Variants in CUL2 observed in about 807,000 individuals in gnomAD.
CUL2 encodes cullin-2.
CUL2 carries 22 observed loss-of-function variants against 110.2 expected under a neutral mutation model. The ratio of observed to expected loss-of-function variants is 0.20; its 90% CI spans 0.14 to 0.28. CUL2 has a LOEUF of 0.28. CUL2 is among the 10% of genes least tolerant of loss of function. CUL2 has a pLI of 1.00. For missense variants in CUL2, 631 were observed against 905.5 expected (o/e 0.70, Z 3.89); for synonymous variants, 279 against 293.2 (o/e 0.95, Z 0.49).
Position 35,071,198 on chromosome 10 carries a change from C to A in CUL2, c.119+1G>T, listed in dbSNP as rs2086668996. 3 of 1,612,356 alleles carry A rather than the reference C, an allele frequency of 1.9e-6. No homozygotes were observed. Among genetic ancestry groups the A allele is most frequent in the Admixed American group, 1.7e-5 (1 of 59,740 alleles). ...TGATCAAGCTGCCATTAAAAGGATA[C>A]GAGAAACGGTCATTCCATGTTGCTC... On this transcript the variant is annotated splice_donor_variant, in intron 2 of 20. Transcript: ENST00000374749. LOFTEE classifies it high-confidence loss of function.
chr10:35,025,443 G>A (rs979180207), intron 16 of CUL2, among the ~76,000 whole-genome samples: 3 of 152,086 alleles, frequency 2.0e-5, no homozygotes, highest in African/African-American at 7.2e-5. Flanking sequence ...CTAAACCACA[G>A]CACTGCAAAT....
At chr10:35,016,033 C>CT (rs2085022539) in intron 18 of CUL2, among the ~76,000 whole-genome samples, 159 bp downstream of exon 18, 1 of 152,188 alleles carries the variant, frequency 6.6e-6, no homozygotes, top group Non-Finnish European at 1.5e-5. Flanking sequence ...TCTGTGATGC[C>CT]TTAACGCTCG....
At chr10:35,045,689 C>T (rs1426736962) in intron 6 of CUL2, among the ~76,000 whole-genome samples, 1 of 151,914 alleles carries the variant, frequency 6.6e-6, no homozygotes, top group Non-Finnish European at 1.5e-5. Context: ...TGCACTCCAG[C>T]CTGGGTGACA....
chr10:35,091,024 T>TA (rs2087196136), upstream of CUL2, among the ~76,000 whole-genome samples: 2 of 152,236 alleles, frequency 1.3e-5, no homozygotes, highest in African/African-American at 2.4e-5. Context: ...TTCTTGGACA[T>TA]ACATGTATTT....
intron 2 of CUL2, among the ~76,000 whole-genome samples, chr10:35,066,345 C>T (rs943936935): frequency 6.6e-6 from 1 of 151,892 alleles, no homozygotes; most frequent in African/African-American, 2.4e-5. Flanking sequence ...CTCTTTTGCC[C>T]AGGCAGTGCG....
At chr10:35,088,747 A>G (rs2087125950) in intron 1 of CUL2, among the ~76,000 whole-genome samples, 1 of 152,200 alleles carries the variant, frequency 6.6e-6, no homozygotes, top group Admixed American at 6.5e-5. Flanking sequence ...TGGAGAATGA[A>G]GAGTATTTCA....
intron 5 of CUL2, among the ~76,000 whole-genome samples, chr10:35,051,356 G>A (rs1484622923): frequency 1.3e-5 from 2 of 151,242 alleles, no homozygotes; most frequent in African/African-American, 2.4e-5. Flanking sequence ...GCTCACGCCT[G>A]TAATCCCAGC....
At chr10:35,045,755 A>G (rs2085923478) in intron 6 of CUL2, among the ~76,000 whole-genome samples, 1 of 152,026 alleles carries the variant, frequency 6.6e-6, no homozygotes, top group East Asian at 1.9e-4. Context: ...AATAGAAAAA[A>G]AGTTTGCTTA....
chr10:35,043,398 C>T (rs2085845605), intron 8 of CUL2, among the ~76,000 whole-genome samples: 1 of 152,126 alleles, frequency 6.6e-6, no homozygotes, highest in South Asian at 2.1e-4. Flanking sequence ...AGATAATTTG[C>T]TCAGGGGACA....
chr10:35,033,207 CAG>C lies in CUL2; in HGVS notation c.1067_1068del (p.Thr356SerfsTer5). Reference protein sequence around the residue: ...VHGKFVQLINTVLNGDQHFMS... With the variant: ...VHGKFVQLINXVLNGDQHFMS... ...ATAAAATGCTGATCACCATTCAAAACAGTGTTGATAAGCTGAACAAATTTACC... is the reference window on the plus strand; with the variant it reads ...ATAAAATGCTGATCACCATTCAAAACTGTTGATAAGCTGAACAAATTTACC... On this transcript the variant is annotated frameshift_variant, in exon 11 of 21. Coordinates refer to ENST00000374749, the MANE Select transcript of CUL2 (RefSeq NM_003591.4). LOFTEE classifies it high-confidence loss of function. 6.2e-7 allele frequency: 1 copy of C among 1,613,594 alleles called. No homozygotes were observed. The highest frequency in any genetic ancestry group is 1.3e-5 in the African/African-American group (1 of 74,974).
rs1158818277 is a variant in CUL2 at position 35,039,068 on chromosome 10, T to C, written c.729A>G (p.Leu243=). 8.1e-6 allele frequency: 13 copies of C among 1,600,778 alleles called. No individual in the cohort carries two copies. In the East Asian group the frequency reaches 2.7e-4, roughly 33 times the overall value. Residue 243 remains leucine, a synonymous_variant, in exon 9 of 21, where the codon TTA becomes TTG. Transcript: ENST00000374749. ...SQYMEKVLGR[L]KDEEIRCRKY... ...TTCGACATCGAATTTCTTCATCTTT[T>C]AATCTACCTAGAACCTATAAAAATA...
At chr10:35,061,400 G>A (rs541185493) in intron 3 of CUL2, among the ~76,000 whole-genome samples, 14 of 145,884 alleles carry the variant, frequency 9.6e-5, no homozygotes, top group Admixed American at 6.9e-4. Flanking sequence ...ACTTGAACCC[G>A]ATCGCACCGA....
intron 1 of CUL2, among the ~76,000 whole-genome samples, chr10:35,077,929 A>G (rs1360996416): frequency 6.6e-6 from 1 of 152,144 alleles, no homozygotes; most frequent in Non-Finnish European, 1.5e-5. Context: ...TCATGAGTTG[A>G]TAACTGTTAA....
chr10:35,016,449 ATTTAC>A (rs2085035874), intron 17 of CUL2, 55 bp from the exon 18 acceptor site: 2 of 1,324,472 alleles, frequency 1.5e-6, no homozygotes, highest in Non-Finnish European at 2.1e-6. Context: ...AACATTTCAA[ATTTAC>A]TTTATTTCAG....
At chr10:35,123,058 A>G (rs2087696857) in intron 1 of CUL2, among the ~76,000 whole-genome samples, 1 of 152,190 alleles carries the variant, frequency 6.6e-6, no homozygotes, top group Non-Finnish European at 1.5e-5. Flanking sequence ...GGATTGCTTG[A>G]GCCTGGGAGG....
chr10:35,115,057 C>A (rs1017273055), intron 1 of CUL2, among the ~76,000 whole-genome samples: 3 of 151,282 alleles, frequency 2.0e-5, no homozygotes, highest in Non-Finnish European at 4.4e-5. Flanking sequence ...ACTAAAAATA[C>A]AAAAATTAGC....
At chr10:35,076,969 G>A (rs2086834170) in intron 1 of CUL2, among the ~76,000 whole-genome samples, 1 of 151,898 alleles carries the variant, frequency 6.6e-6, no homozygotes, top group African/African-American at 2.4e-5. Flanking sequence ...GGAGAATGGC[G>A]TGAACCCAGG....
intron 1 of CUL2, among the ~76,000 whole-genome samples, chr10:35,103,308 A>ATTTTTTT (rs67257350): frequency 1.9e-4 from 18 of 94,572 alleles, no homozygotes; most frequent in Non-Finnish European, 2.7e-4. Flanking sequence ...GGCCAAGCTA[A>ATTTTTTT]TTTTTTTTTT....
At chr10:35,068,093 G>A (rs1210289387) in intron 2 of CUL2, among the ~76,000 whole-genome samples, 1 of 141,552 alleles carries the variant, frequency 7.1e-6, no homozygotes, top group Non-Finnish European at 1.5e-5. Context: ...CTGGGCGACA[G>A]AGCGAGACTC....
Sources: allele counts gnomAD v4.1 joint callset (sites outside exome capture counted in the v4.1 genomes callset), GRCh38; gene constraint gnomAD v4.1.1; transcripts MANE v1.5; gene names NCBI Gene and HGNC (gene_info 2026-07-23, HGNC 2026-07-21).